The following NMNAT3 variants were observed in gnomAD, a reference collection of about 807,000 sequenced individuals.
NMNAT3 encodes the protein nicotinamide/nicotinic acid mononucleotide adenylyltransferase 3.
A neutral mutation model predicts 24.8 loss-of-function variants in NMNAT3; 21 were observed. The observed-to-expected ratio is 0.85, with a 90% CI of 0.60 to 1.22. The LOEUF (loss-of-function observed/expected upper bound fraction) is 1.22. NMNAT3 is among the 50% of genes most tolerant of loss of function. The pLI is 0.00. For missense variants in NMNAT3, 387 were observed against 436.6 expected (o/e 0.89, Z 1.01); for synonymous variants, 136 against 155.2 (o/e 0.88, Z 0.92).
intron 3 of NMNAT3, among the ~76,000 whole-genome samples, chr3:139,611,325 G>A (rs1182734156): frequency 6.6e-6 from 1 of 152,130 alleles, no homozygotes; most frequent in Non-Finnish European, 1.5e-5. Flanking sequence ...CAAGAAAAGA[G>A]ACCAAACATA....
chr3:139,573,346 C>G (rs1938728242), intron 6 of NMNAT3, among the ~76,000 whole-genome samples: 1 of 152,172 alleles, frequency 6.6e-6, no homozygotes, highest in Non-Finnish European at 1.5e-5. Context: ...GAACAAGTCA[C>G]AAGGGTAGGT....
At chr3:139,576,196 C>T (rs911694456) in intron 5 of NMNAT3, 1 of 985,262 alleles carries the variant, frequency 1.0e-6, no homozygotes, top group African/African-American at 1.7e-5. Flanking sequence ...TACCATGCTT[C>T]TAAAACCACC....
Position 139,613,961 on chromosome 3 carries a change from G to A in NMNAT3, c.109+13655C>T, listed in dbSNP as rs561997629. 7.2e-5 allele frequency among the ~76,000 whole-genome samples: 11 copies of A among 152,058 alleles called. No individual in the cohort carries two copies. The East Asian group carries it at 2.1e-3, about 30-fold the overall frequency. On this transcript the variant is annotated intron_variant, in intron 3 of 6. Coordinates refer to ENST00000643695, the MANE Select transcript of NMNAT3 (RefSeq NM_001320510.2). ...ATGAGAACACATGGACACAGGAAGG[G>A]GAACATCACACACCAGGGCCTGTTG...
chr3:139,617,282 A>G (rs895213594), intron 3 of NMNAT3, among the ~76,000 whole-genome samples: 6 of 152,188 alleles, frequency 3.9e-5, no homozygotes, highest in African/African-American at 4.8e-5. Context: ...GCTCCCATGT[A>G]TCCTTGCATC....
chr3:139,650,941 C>T (rs2057037315), intron 1 of NMNAT3, among the ~76,000 whole-genome samples: 1 of 152,148 alleles, frequency 6.6e-6, no homozygotes, highest in African/African-American at 2.4e-5. Context: ...TTTCTCTGAA[C>T]AGTAGGATCC....
At chr3:139,618,147 T>C (rs2055594683) in intron 3 of NMNAT3, among the ~76,000 whole-genome samples, 1 of 152,144 alleles carries the variant, frequency 6.6e-6, no homozygotes, top group Non-Finnish European at 1.5e-5. Flanking sequence ...AACACACAAT[T>C]GTACCAGCCT....
chr3:139,605,314 C>T (rs900398463), intron 3 of NMNAT3, among the ~76,000 whole-genome samples: 5 of 152,138 alleles, frequency 3.3e-5, no homozygotes, highest in African/African-American at 1.2e-4. Flanking sequence ...TACATGCAAA[C>T]ATATGTATAT....
intron 6 of NMNAT3, chr3:139,571,143 C>T (rs146573095): frequency 0.092 from 14,014 of 152,354 alleles, 681 homozygotes; most frequent in Middle Eastern, 0.13. Flanking sequence ...TAGGACCCTC[C>T]GAGCCATGTG....
chr3:139,626,407 T>C (rs1248482409), intron 3 of NMNAT3, among the ~76,000 whole-genome samples: 2 of 152,128 alleles, frequency 1.3e-5, no homozygotes, highest in Non-Finnish European at 2.9e-5. Flanking sequence ...TTATAGTGTA[T>C]TTTTCATCTA....
In NMNAT3 at chr3:139,648,942, T is replaced by C. The variant is rs374747571; in HGVS notation, c.-140-10880A>G. Reference sequence around the variant, plus strand: ...TTATAATATACAGAAACTATATATATGTACACCTAGATATGTTTATGAATT... The same window carrying C: ...TTATAATATACAGAAACTATATATACGTACACCTAGATATGTTTATGAATT... On this transcript the variant is annotated intron_variant, in intron 1 of 6. Transcript: ENST00000643695. Among the ~76,000 whole-genome samples the C allele has an allele frequency of 3.3e-5, 5 of 152,316 alleles. No individual in the cohort carries two copies. The South Asian group carries it at 8.3e-4, about 25-fold the overall frequency.
chr3:139,592,799 T>C (rs1165849337), intron 3 of NMNAT3, among the ~76,000 whole-genome samples: 1 of 152,120 alleles, frequency 6.6e-6, no homozygotes, highest in Non-Finnish European at 1.5e-5. Flanking sequence ...AGGCCTGCCC[T>C]AAAAGAGCTC....
intron 3 of NMNAT3, chr3:139,609,845 G>A (rs1559905915): frequency 1.3e-5 from 2 of 152,214 alleles, no homozygotes; most frequent in Non-Finnish European, 2.9e-5. Context: ...TACTGATGCA[G>A]AACTTAGTGG....
At chr3:139,576,958 G>A (rs1225690087) in intron 5 of NMNAT3, among the ~76,000 whole-genome samples, 2 of 152,022 alleles carry the variant, frequency 1.3e-5, no homozygotes, top group African/African-American at 2.4e-5. Context: ...TTGGGAGGCT[G>A]AGGCAGGAGA....
intron 3 of NMNAT3, among the ~76,000 whole-genome samples, chr3:139,598,864 G>T (rs184525194): frequency 6.6e-6 from 1 of 152,074 alleles, no homozygotes; most frequent in African/African-American, 2.4e-5. Context: ...CTACTGCACT[G>T]TACTGATGAT....
rs145198692 is a variant in NMNAT3 at position 139,615,417 on chromosome 3, TTCTATCTATCTATCTA to T, written c.109+12183_109+12198del. Among the ~76,000 whole-genome samples, 7 of 140,236 alleles carry T rather than the reference TTCTATCTATCTATCTA, an allele frequency of 5.0e-5. No individual in the cohort carries two copies. In the East Asian group the frequency reaches 1.1e-3, roughly 22 times the overall value. 92.0% of individuals were successfully genotyped at this position (140,236 alleles called of 152,430 possible). On this transcript the variant is annotated intron_variant, in intron 3 of 6. Coordinates refer to ENST00000643695, the MANE Select transcript of NMNAT3 (RefSeq NM_001320510.2). ...ATCTATATAAATATCCACACACATT[TTCTATCTATCTATCTA>T]TCTATCTATCTATCTATCTATCTAT...
chr3:139,617,918 C>T (rs933147129), intron 3 of NMNAT3, among the ~76,000 whole-genome samples: 3 of 152,190 alleles, frequency 2.0e-5, no homozygotes, highest in African/African-American at 7.2e-5. Context: ...AAGCTACTGA[C>T]TAGTCATATG....
chr3:139,619,733 G>A (rs1447136568), intron 3 of NMNAT3, among the ~76,000 whole-genome samples: 4 of 152,184 alleles, frequency 2.6e-5, no homozygotes, highest in African/African-American at 7.2e-5. Context: ...GGCACTCAGT[G>A]GCTAACAGTC....
chr3:139,651,508 G>A (rs2057054800), intron 1 of NMNAT3, among the ~76,000 whole-genome samples: 1 of 152,196 alleles, frequency 6.6e-6, no homozygotes, highest in Non-Finnish European at 1.5e-5. Context: ...GAGAAGAGAA[G>A]CTATGCTTTA....
At chr3:139,641,412 G>A (rs1206928272) in intron 1 of NMNAT3, among the ~76,000 whole-genome samples, 1 of 152,144 alleles carries the variant, frequency 6.6e-6, no homozygotes, top group Admixed American at 6.5e-5. Context: ...GAGTGTGCAT[G>A]CCACAAGCAC....
Sources: gnomAD v4.1 joint callset for allele counts (sites outside exome capture counted in the v4.1 genomes callset) on GRCh38, gnomAD v4.1.1 for gene constraint, MANE v1.5 for transcripts, NCBI Gene and HGNC (gene_info 2026-07-23, HGNC 2026-07-21) for gene names.